NAALADL2: variants seen among roughly 807,000 people sequenced by gnomAD.
NAALADL2 encodes N-acetylated alpha-linked acidic dipeptidase like 2.
In NAALADL2, 76 loss-of-function variants were observed where a neutral mutation model predicts 87.2. That is an observed-to-expected ratio of 0.87 (90% CI 0.72 to 1.05). The LOEUF is 1.05. Ranked by LOEUF, NAALADL2 falls within the 50% of genes least tolerant of loss-of-function variation. The pLI is 0.00. For missense variants in NAALADL2, 1,089 were observed against 945.8 expected (o/e 1.15, Z -1.99); for synonymous variants, 354 against 331.0 (o/e 1.07, Z -0.75).
At chr3:174,719,687 G>A (rs1731526996) in intron 2 of NAALADL2, among the ~76,000 whole-genome samples, 3 of 152,212 alleles carry the variant, frequency 2.0e-5, no homozygotes, top group Non-Finnish European at 2.9e-5. Flanking sequence ...TGGGAAAGAA[G>A]CAATATCCTC....
At position 175,803,024 on chromosome 3, in the gene NAALADL2, G is replaced by C. The variant is rs751771353; in HGVS notation, c.2209G>C (p.Asp737His). The C allele has an allele frequency of 6.2e-7, 1 of 1,611,200 alleles. No individual in the cohort carries two copies. The highest frequency in any genetic ancestry group is 1.7e-5 in the Admixed American group (1 of 59,710). ...TTTCAGAAACATCCTCTACCACCTT[G>C]ATGAAAAGACAAGCCGGTTTTCAAT... ...GFYRNILYHL[D>H]EKTSRFSILI... Residue 737 changes from aspartate (D) to histidine (H), a missense_variant, in exon 14 of 14, where the codon GAT (aspartate) becomes CAT (histidine). Physicochemically the swap from Asp to His is moderately conservative, Grantham distance 81 (BLOSUM62 -1). Coordinates refer to ENST00000454872, the MANE Select transcript of NAALADL2 (RefSeq NM_207015.3).
intron 2 of NAALADL2, among the ~76,000 whole-genome samples, chr3:174,727,018 A>T (rs1732262602): frequency 6.6e-6 from 1 of 152,096 alleles, no homozygotes; most frequent in African/African-American, 2.4e-5. Flanking sequence ...TGGGTGTCAG[A>T]TATTGCCTTA....
chr3:175,438,044 T>C (rs1719033970), intron 5 of NAALADL2, among the ~76,000 whole-genome samples: 1 of 152,096 alleles, frequency 6.6e-6, no homozygotes, highest in African/African-American at 2.4e-5. Flanking sequence ...TTTCAAATTT[T>C]ATATCGTGAA....
chr3:174,958,075 C>T (rs566297164), intron 1 of NAALADL2, among the ~76,000 whole-genome samples: 1 of 151,886 alleles, frequency 6.6e-6, no homozygotes, highest in Non-Finnish European at 1.5e-5. Context: ...ATAGTCCATC[C>T]TCCCCTCCGG....
chr3:175,318,599 G>C (rs1425374438), intron 4 of NAALADL2, among the ~76,000 whole-genome samples: 1 of 152,016 alleles, frequency 6.6e-6, no homozygotes, highest in African/African-American at 2.4e-5. Context: ...TTAACATTTT[G>C]CAGTATGTAC....
intron 2 of NAALADL2, among the ~76,000 whole-genome samples, chr3:175,131,979 A>G (rs868490680): frequency 4.6e-4 from 40 of 86,700 alleles, no homozygotes; most frequent in Admixed American, 5.8e-4. Flanking sequence ...CGGACGGGGC[A>G]GCTGGCCGGG....
At chr3:174,873,488 T>G (rs1303571312) in intron 1 of NAALADL2, among the ~76,000 whole-genome samples, 1 of 151,970 alleles carries the variant, frequency 6.6e-6, no homozygotes, top group Non-Finnish European at 1.5e-5. Context: ...CTCCCGACCT[T>G]GCGATCCACC....
chr3:175,049,573 C>T (rs1755107520), intron 1 of NAALADL2, among the ~76,000 whole-genome samples: 1 of 152,148 alleles, frequency 6.6e-6, no homozygotes, highest in African/African-American at 2.4e-5. Flanking sequence ...ACTGTAGCAC[C>T]ATGGCCACAA....
intron 1 of NAALADL2, among the ~76,000 whole-genome samples, chr3:174,961,775 T>A (rs999827570): frequency 3.3e-5 from 5 of 152,104 alleles, no homozygotes; most frequent in African/African-American, 1.2e-4. Flanking sequence ...CTATAGCCGA[T>A]GATAATGAGA....
intron 2 of NAALADL2, among the ~76,000 whole-genome samples, chr3:175,174,221 A>G (rs1735322453): frequency 1.3e-5 from 2 of 152,140 alleles, no homozygotes. Flanking sequence ...CTTTCTTAGT[A>G]TTACAAGTTA....
chr3:175,573,283 T>C (rs1321309276), intron 9 of NAALADL2, among the ~76,000 whole-genome samples: 3 of 152,200 alleles, frequency 2.0e-5, no homozygotes, highest in Admixed American at 2.0e-4. Flanking sequence ...TTTTGCTGTC[T>C]TGAAAAGACA....
intron 1 of NAALADL2, among the ~76,000 whole-genome samples, chr3:174,547,427 G>C (rs1001056337): frequency 2.0e-5 from 3 of 152,088 alleles, no homozygotes; most frequent in Non-Finnish European, 4.4e-5. Flanking sequence ...GGGATTAGTA[G>C]GTTAATTTAT....
chr3:175,755,236 T>G lies in NAALADL2; in HGVS notation c.2007T>G (p.Thr669=). 6.2e-7 allele frequency: 1 copy of G among 1,612,962 alleles called. No individual in the cohort carries two copies. Among genetic ancestry groups the G allele is most frequent in the Non-Finnish European group, 8.5e-7 (1 of 1,179,684 alleles). Residue 669 remains threonine (T), a synonymous_variant, in exon 13 of 14, where the codon ACT becomes ACG. Transcript: ENST00000454872. ...QNNLKGDQPN[T]HQLLAMALRL... is the part of the protein sequence containing the mutation. ...CTTCACCAGGTGATCAACCCAACAC[T>G]CATCAACTGTTAGCCATGGCGTTAC...
At chr3:175,514,579 CT>C (rs1731594581) in intron 9 of NAALADL2, among the ~76,000 whole-genome samples, 1 of 152,134 alleles carries the variant, frequency 6.6e-6, no homozygotes, top group Non-Finnish European at 1.5e-5. Flanking sequence ...GTATTATCCT[CT>C]CTTCCGGTTG....
intron 1 of NAALADL2, among the ~76,000 whole-genome samples, chr3:174,873,020 A>ATTTCTTCTCCACCCG (rs1728036521): frequency 2.0e-5 from 3 of 152,060 alleles, no homozygotes; most frequent in African/African-American, 7.2e-5. Context: ...ATTTTCACCC[A>ATTTCTTCTCCACCCG]TTTCTTCTCC....
chr3:175,677,057 T>TATG (rs1734879980), intron 11 of NAALADL2, among the ~76,000 whole-genome samples: 1 of 152,116 alleles, frequency 6.6e-6, no homozygotes. Flanking sequence ...AAGGGGCCTG[T>TATG]CTGTTGCCTT....
chr3:174,892,196 A>G (rs770814815), intron 1 of NAALADL2, among the ~76,000 whole-genome samples: 1 of 152,168 alleles, frequency 6.6e-6, no homozygotes, highest in Non-Finnish European at 1.5e-5. Context: ...AACATCATCC[A>G]TGAAACATGA....
Position 174,932,277 on chromosome 3 carries a change from A to G in NAALADL2, c.43+72827A>G, listed in dbSNP as rs187682995. ...GCACCATCAGATCATCAAAACAAAGAAACTGCTCAAGCTGTATTATATGTT... is the reference window on the plus strand; with the variant it reads ...GCACCATCAGATCATCAAAACAAAGGAACTGCTCAAGCTGTATTATATGTT... On this transcript the variant is annotated intron_variant, in intron 1 of 13. Transcript: ENST00000454872. Among the ~76,000 whole-genome samples, 398 of 152,296 alleles carry G rather than the reference A, an allele frequency of 2.6e-3. 4 individuals are homozygous for G. The highest frequency in any genetic ancestry group is 0.01 in the Middle Eastern group (3 of 294).
intron 10 of NAALADL2, among the ~76,000 whole-genome samples, chr3:175,600,079 T>C (rs946637574): frequency 4.6e-5 from 7 of 151,986 alleles, no homozygotes; most frequent in Non-Finnish European, 1.0e-4. Context: ...TAAAGACATA[T>C]ATCATTTTAT....
Sources: gnomAD v4.1 joint callset for allele counts (sites outside exome capture counted in the v4.1 genomes callset) on GRCh38, gnomAD v4.1.1 for gene constraint, MANE v1.5 for transcripts, NCBI Gene and HGNC (gene_info 2026-07-23, HGNC 2026-07-21) for gene names.